ITFG2: variants seen among roughly 807,000 people sequenced by gnomAD.
ITFG2 encodes the protein integrin alpha FG-GAP repeat containing 2.
A neutral mutation model predicts 54.4 loss-of-function variants in ITFG2; 36 were observed. The ratio of observed to expected loss-of-function variants is 0.66; its 90% confidence interval spans 0.51 to 0.87. The LOEUF (loss-of-function observed/expected upper bound fraction) is 0.87. Ranked by LOEUF, ITFG2 falls within the 40% of genes least tolerant of loss-of-function variation. The pLI, the probability that ITFG2 is intolerant of heterozygous loss-of-function variation, is 0.00. For synonymous variants in ITFG2, 211 were observed against 225.4 expected (o/e 0.94, Z 0.57); for missense variants, 524 against 576.7 (o/e 0.91, Z 0.94).
downstream of ITFG2, chr12:2,825,420 G>C (rs953618055): frequency 1.3e-5 from 2 of 152,510 alleles, no homozygotes. Context: ...GGGGTCTGCA[G>C]TTACAGAAGC....
chr12:2,848,589 G>A (rs2098059659), intron 2 of ITFG2, among the ~76,000 whole-genome samples: 1 of 152,076 alleles, frequency 6.6e-6, no homozygotes, highest in Admixed American at 6.6e-5. Context: ...GACCTGGTTA[G>A]CCTTCCTGGG....
intron 3 of ITFG2, chr12:2,858,922 G>T: frequency 6.2e-7 from 1 of 1,613,526 alleles, no homozygotes; most frequent in Non-Finnish European, 8.5e-7. Context: ...GGTGATTCAA[G>T]GGGGGGAGCA....
At chr12:2,820,898 G>T in intron 6 of ITFG2, 26 bp downstream of exon 6, 1 of 1,610,152 alleles carries the variant, frequency 6.2e-7, no homozygotes, top group South Asian at 1.1e-5. Context: ...CCAGTGGATG[G>T]TGTGGGGGTG....
chr12:2,827,865 G>C, downstream of ITFG2: 2 of 1,611,518 alleles, frequency 1.2e-6, no homozygotes, highest in Non-Finnish European at 1.7e-6. The surrounding 1 kb of genome is among the most constrained non-coding windows in gnomAD (Gnocchi z 4.0). Context: ...CTCAGCCTTT[G>C]CCCCACCCCA....
rs1037490026 is a variant in ITFG2, at chr12:2,818,488, T to C, written c.406+211T>C. ...AAATTGCTGCCCTCCTGGGCCTTAT[T>C]ATGAAGAAACAGAAAAGAAACAATA... On this transcript the variant is annotated intron_variant, in intron 4 of 11. Coordinates refer to ENST00000228799, the MANE Select transcript of ITFG2 (RefSeq NM_018463.4). 3.3e-6 allele frequency: 3 copies of C among 895,524 alleles called. No homozygotes were observed. The East Asian group carries it at 8.7e-5, about 26-fold the overall frequency. The allele number at this position is 895,524 out of a possible 1,614,324, so 55.5% of individuals were successfully genotyped here.
chr12:2,853,007 A>G (rs2098075882), intron 2 of ITFG2, among the ~76,000 whole-genome samples: 1 of 145,122 alleles, frequency 6.9e-6, no homozygotes, highest in African/African-American at 2.6e-5. Context: ...CTCAAAAAAA[A>G]AGAAACAACA....
downstream of ITFG2, among the ~76,000 whole-genome samples, chr12:2,828,840 C>G (rs1344248533): frequency 6.6e-6 from 1 of 151,922 alleles, no homozygotes; most frequent in African/African-American, 2.4e-5. Flanking sequence ...AAAACTCTGT[C>G]TCAAAACAAA....
intron 2 of ITFG2, chr12:2,849,604 G>A (rs2098063720): frequency 6.8e-7 from 1 of 1,465,638 alleles, no homozygotes; most frequent in Non-Finnish European, 9.2e-7. Context: ...GGAAGGGGAA[G>A]GGTGATGCCG....
Position 2,820,778 on chromosome 12 carries a change from T to C in ITFG2, c.601T>C (p.Ser201Pro), listed in dbSNP as rs1323692853. 1 of 1,613,994 alleles carries C rather than the reference T, an allele frequency of 6.2e-7. No individual in the cohort carries two copies. The highest frequency in any genetic ancestry group is 2.2e-5 in the East Asian group (1 of 44,870). Residue 201 changes from serine (S) to proline (P), a missense_variant, in exon 6 of 12, where the codon TCT (serine) becomes CCT (proline). Transcript: ENST00000228799. ...GPLGLPELMV[S>P]QPGCAYAILL... ...ACTGGGTCTTCCTGAACTGATGGTG[T>C]CTCAGCCAGGTTGTGCGTATGCAAT...
At position 2,812,852 on chromosome 12, in the gene ITFG2, A is replaced by G. The variant is rs527760138; in HGVS notation, c.92A>G (p.Asp31Gly). 6.2e-7 allele frequency: 1 copy of G among 1,610,536 alleles called. No individual in the cohort carries two copies. The highest frequency in any genetic ancestry group is 8.5e-7 in the Non-Finnish European group (1 of 1,177,808). The stretch of plus-strand genomic sequence containing the variant: ...ATCTGCCTCGGAGACGTTGATAACG[A>G]TACGGTAGGTGCATGCGCACCGCAA... ...HAICLGDVDN[D>G]TLNELVVGDT... The change falls in exon 1 of 12, where the codon GAT (aspartate) becomes GGT (glycine). Residue 31 changes from aspartate (D) to glycine (G), a missense_variant. Physicochemically the swap from Asp to Gly is moderately conservative, Grantham distance 94. Coordinates refer to ENST00000228799, the MANE Select transcript of ITFG2 (RefSeq NM_018463.4).
chr12:2,834,182 G>T (rs567087146), upstream of ITFG2, among the ~76,000 whole-genome samples: 214 of 152,336 alleles, frequency 1.4e-3, 1 homozygote, highest in African/African-American at 5.0e-3. Context: ...CCCTGGGAAG[G>T]ATGGAGACCC....
intron 3 of ITFG2, 50 bp downstream of exon 3, chr12:2,818,000 A>T: frequency 6.2e-7 from 1 of 1,610,592 alleles, no homozygotes; most frequent in Non-Finnish European, 8.5e-7. Context: ...AGTGGAAATC[A>T]GTTGAAGGTT....
rs750672397 is a variant in ITFG2, at chr12:2,857,078, G to A, written n.301-934G>A. 13 of 702,624 alleles carry A rather than the reference G, an allele frequency of 1.9e-5. No homozygotes were observed. The South Asian group carries it at 1.9e-4, about 10-fold the overall frequency. The allele number at this position is 702,624 out of a possible 1,614,324, so 43.5% of individuals were successfully genotyped here. On this transcript the variant is annotated intron_variant and non_coding_transcript_variant, in intron 2 of 3. Coordinates refer to the ITFG2 transcript ENST00000537710. Reference sequence around the variant, plus strand: ...GCGGCTTTGTGGGGAAGCCCTTTCTGGCACCATTGTTTACTCCTGGGGTTG... The same window carrying A: ...GCGGCTTTGTGGGGAAGCCCTTTCTAGCACCATTGTTTACTCCTGGGGTTG...
intron 2 of ITFG2, among the ~76,000 whole-genome samples, chr12:2,850,334 C>G (rs1487082155): frequency 6.6e-6 from 1 of 151,934 alleles, no homozygotes; most frequent in Non-Finnish European, 1.5e-5. Context: ...ATTAGCCAGA[C>G]ATGGTGGCAG....
intron 2 of ITFG2, among the ~76,000 whole-genome samples, chr12:2,848,873 A>ACACG (rs138214107): frequency 3.5e-5 from 4 of 114,140 alleles, no homozygotes; most frequent in Non-Finnish European, 5.3e-5. Flanking sequence ...ACAGACACAC[A>ACACG]CACGCACACA....
At chr12:2,828,515 T>C (rs763134134), downstream of ITFG2, 4 of 907,824 alleles carry the variant, frequency 4.4e-6, no homozygotes, top group Non-Finnish European at 7.1e-6. Context: ...CTCCTAGAAA[T>C]GAGTGGAGAA....
rs909247241 is a variant in ITFG2, at chr12:2,844,223, A to G, written n.300+3228A>G. Among the ~76,000 whole-genome samples, 18 of 152,122 alleles carry G rather than the reference A, an allele frequency of 1.2e-4. No individual in the cohort carries two copies. In the East Asian group the frequency reaches 3.5e-3, roughly 29 times the overall value. On this transcript the variant is annotated intron_variant and non_coding_transcript_variant, in intron 2 of 3. Coordinates refer to the ITFG2 transcript ENST00000537710. ...CAATGAGCTGAGATCACACAGCTAC[A>G]CTCCAGCGTGGGTGAGAGTGAGACC...
intron 5 of ITFG2, 96 bp from the exon 6 acceptor site, chr12:2,820,628 G>GGGCC: frequency 4.0e-6 from 1 of 251,778 alleles, no homozygotes; most frequent in Non-Finnish European, 7.9e-6. Context: ...CCCTGCCCCT[G>GGGCC]CCCCCGCCCC....
intron 1 of ITFG2, among the ~76,000 whole-genome samples, chr12:2,813,988 G>C (rs1013173865): frequency 6.6e-6 from 1 of 152,166 alleles, no homozygotes; most frequent in Non-Finnish European, 1.5e-5. Flanking sequence ...CTGTTGCCCA[G>C]GCTGGAGTGC....
Sources: allele counts gnomAD v4.1 joint callset (sites outside exome capture counted in the v4.1 genomes callset), GRCh38; gene constraint gnomAD v4.1.1; non-coding constraint Gnocchi (gnomAD v3.1); transcripts MANE v1.5; gene names NCBI Gene and HGNC (gene_info 2026-07-23, HGNC 2026-07-21).